VPS13C: variants seen among roughly 807,000 people sequenced by gnomAD.
VPS13C encodes vacuolar protein sorting 13 homolog C, also known as intermembrane lipid transfer protein VPS13C.
VPS13C carries 358 observed loss-of-function variants against 456.8 expected under a neutral mutation model. The observed-to-expected ratio is 0.78, with a 90% CI of 0.72 to 0.86. VPS13C has a LOEUF of 0.86. VPS13C is among the 40% of genes least tolerant of loss of function. The pLI is 0.00. For synonymous variants in VPS13C, 1,578 were observed against 1,486.7 expected (o/e 1.06, Z -1.41); for missense variants, 4,818 against 4,385.4 (o/e 1.10, Z -2.79).
intron 20 of VPS13C, 140 bp downstream of exon 20, chr15:61,983,680 C>A: frequency 1.0e-6 from 1 of 960,134 alleles, no homozygotes; most frequent in South Asian, 1.7e-5. Context: ...ACATATACTG[C>A]TTTTGAAACA....
chr15:61,896,567 G>A (rs1351626338), intron 66 of VPS13C, among the ~76,000 whole-genome samples: 7 of 152,230 alleles, frequency 4.6e-5, no homozygotes, highest in Non-Finnish European at 1.0e-4. Context: ...GGCGCACCAC[G>A]AGATTATATC....
In VPS13C at chr15:61,961,854, TCAGAGA is replaced by T; in HGVS notation, c.3637_3642del (p.Leu1214_Ser1215del). 1 of 1,613,826 alleles carries T rather than the reference TCAGAGA, an allele frequency of 6.2e-7. No individual in the cohort carries two copies. The highest frequency in any genetic ancestry group is 1.7e-5 in the Admixed American group (1 of 60,002). Reference sequence around the variant, plus strand: ...TCTGCAGCCTGGGCAGTGGCAGCACTCAGAGACTCTTTGGCTGTCTGGAAATTATTC... The same window carrying T: ...TCTGCAGCCTGGGCAGTGGCAGCACTCTCTTTGGCTGTCTGGAAATTATTC... On this transcript the variant is annotated inframe_deletion, in exon 35 of 85. Coordinates refer to ENST00000644861, the MANE Select transcript of VPS13C (RefSeq NM_020821.3).
rs1895633447 is a variant in VPS13C, at chr15:61,878,654, C to T, written c.10095G>A (p.Leu3365=). ...CAGTCAGAGTAGCACCTATGCTTTT[C>T]AACAGCAAGTTGACAGAATGAACTG... ...MFAVHSVNLL[L]KSIGATLTDV... Residue 3365 remains leucine (L), a synonymous_variant, in exon 74 of 85, where the codon TTG becomes TTA. Transcript: ENST00000644861. The T allele has an allele frequency of 1.9e-6, 3 of 1,611,602 alleles. No individual in the cohort carries two copies. The highest frequency in any genetic ancestry group is 1.7e-4 in the Middle Eastern group (1 of 6,048).
At chr15:61,863,414 G>C in intron 82 of VPS13C, 26 bp downstream of exon 82, 3 of 1,568,576 alleles carry the variant, frequency 1.9e-6, no homozygotes, top group Non-Finnish European at 2.6e-6. Context: ...AGTACTATTT[G>C]GAAAAATGTC....
At chr15:61,985,087 TA>T in intron 18 of VPS13C, 88 bp from the exon 19 acceptor site, 1 of 1,079,820 alleles carries the variant, frequency 9.3e-7, no homozygotes, top group East Asian at 3.1e-5. Flanking sequence ...TGCTGAATTA[TA>T]AAGCAACCTA....
chr15:61,988,679 G>A (rs2140412386), intron 18 of VPS13C, among the ~76,000 whole-genome samples: 1 of 152,162 alleles, frequency 6.6e-6, no homozygotes, highest in Non-Finnish European at 1.5e-5. Context: ...TCTACAACAA[G>A]GTCAAAGGAC....
Position 61,878,622 on chromosome 15 carries a change from T to C in VPS13C, c.10127A>G (p.Asp3376Gly). Residue 3376 changes from aspartate to glycine, a missense_variant, in exon 74 of 85, where the codon GAT becomes GGT. This residue lies in a region of VPS13C where 4,552 missense variants were observed against 4,130.6 expected (regional missense o/e 1.10). Transcript: ENST00000644861. ...GAAGTCTTACTTGAATATAAGGTCA[T>C]CCACATCAGTCAGAGTAGCACCTAT... is the stretch of plus-strand genomic sequence containing the variant. ...KSIGATLTDV[D>G]DLIFKLAYYE... 1 of 1,609,324 alleles carries C rather than the reference T, an allele frequency of 6.2e-7. No individual in the cohort carries two copies. Among genetic ancestry groups the C allele is most frequent in the Non-Finnish European group, 8.5e-7 (1 of 1,178,148 alleles).
intron 48 of VPS13C, among the ~76,000 whole-genome samples, chr15:61,934,917 AT>A (rs1180780006): frequency 6.6e-6 from 1 of 151,606 alleles, no homozygotes; most frequent in Non-Finnish European, 1.5e-5. Context: ...CTCCCGGCTA[AT>A]TTTTTTGTAT....
Position 62,060,377 on chromosome 15 carries a change from T to C in VPS13C, c.-3A>G, listed in dbSNP as rs1476951037. 4 of 1,555,432 alleles carry C rather than the reference T, an allele frequency of 2.6e-6. No individual in the cohort carries two copies. The highest frequency in any genetic ancestry group is 2.6e-6 in the Non-Finnish European group (3 of 1,142,366). ...GCGACCACCGACTCCAGCACCATGG[T>C]GGCGCTGAGGCACAAGGAGAGGGAG... On this transcript the variant is annotated 5_prime_UTR_variant, in exon 1 of 85. Coordinates refer to ENST00000644861, the MANE Select transcript of VPS13C (RefSeq NM_020821.3).
chr15:61,900,907 CAGAGATAA>C lies in VPS13C; in HGVS notation c.9105+6349_9105+6356del, dbSNP rs1245618417. Among the ~76,000 whole-genome samples, 6 of 151,562 alleles carry C rather than the reference CAGAGATAA, an allele frequency of 4.0e-5. No homozygotes were observed. In the East Asian group the frequency reaches 1.2e-3, roughly 29 times the overall value. On this transcript the variant is annotated intron_variant, in intron 66 of 84. Transcript: ENST00000644861. ...AAACAGCATGGTACTGGTACCAAAA[CAGAGATAA>C]AGATCAATGGAACAGAACGGAGCCC...
intron 6 of VPS13C, among the ~76,000 whole-genome samples, chr15:62,025,262 C>G (rs2047598508): frequency 6.6e-6 from 1 of 151,898 alleles, no homozygotes. Flanking sequence ...ATTGTTCTGC[C>G]ACTACAAAAA....
chr15:62,013,200 A>G, intron 10 of VPS13C, 81 bp from the exon 11 acceptor site: 1 of 1,020,594 alleles, frequency 9.8e-7, no homozygotes, highest in Non-Finnish European at 1.4e-6. Context: ...TCTCATGTTC[A>G]CCACTCCAAA....
At chr15:62,043,730 G>A (rs926928034) in intron 2 of VPS13C, among the ~76,000 whole-genome samples, 1 of 152,170 alleles carries the variant, frequency 6.6e-6, no homozygotes, top group Non-Finnish European at 1.5e-5. Context: ...CCTAATTGGG[G>A]GATGGAGGGC....
At chr15:61,975,678 G>A (rs543802703) in intron 24 of VPS13C, among the ~76,000 whole-genome samples, 8 of 152,068 alleles carry the variant, frequency 5.3e-5, no homozygotes, top group African/African-American at 1.7e-4. Context: ...CGACTTTACT[G>A]GTGAATTCTA....
chr15:61,926,045 A>C (rs894812703), intron 52 of VPS13C, among the ~76,000 whole-genome samples: 4 of 152,196 alleles, frequency 2.6e-5, no homozygotes, highest in Non-Finnish European at 5.9e-5. Context: ...AGAAACGAAT[A>C]AATAGGCTTG....
chr15:61,963,922 T>C lies in VPS13C; in HGVS notation c.3244A>G (p.Ile1082Val). Residue 1082 changes from isoleucine (I) to valine (V), a missense_variant, in exon 32 of 85, where the codon ATT (isoleucine) becomes GTT (valine). By Grantham distance (29) the Ile-to-Val change is conservative. Coordinates refer to ENST00000644861, the MANE Select transcript of VPS13C (RefSeq NM_020821.3). ...AACTTGGCAAATAGCCTGAAATCAA[T>C]AATGTCACTATCTCTGGAGGATACA... ...AIVSSRDSDI[I>V]DFRLFAKLNA... is the part of the protein sequence containing the mutation. The C allele has an allele frequency of 6.2e-7, 1 of 1,610,728 alleles. No homozygotes were observed. The highest frequency in any genetic ancestry group is 8.5e-7 in the Non-Finnish European group (1 of 1,177,484).
At chr15:61,896,491 G>A (rs2042818253) in intron 66 of VPS13C, among the ~76,000 whole-genome samples, 1 of 152,178 alleles carries the variant, frequency 6.6e-6, no homozygotes, top group Non-Finnish European at 1.5e-5. Context: ...AGGGGTGACG[G>A]ACGGGACCTG....
chr15:62,036,995 CA>C (rs200205122), intron 3 of VPS13C, among the ~76,000 whole-genome samples: 32 of 138,224 alleles, frequency 2.3e-4, no homozygotes, highest in Admixed American at 2.2e-4. Flanking sequence ...CTCTGTAAAC[CA>C]AAAAAAAAAG....
At chr15:61,910,771 C>T (rs1295912132) in intron 63 of VPS13C, among the ~76,000 whole-genome samples, 1 of 152,070 alleles carries the variant, frequency 6.6e-6, no homozygotes, top group African/African-American at 2.4e-5. Context: ...ACACCATCCT[C>T]CTAGTTGTTT....
Sources: allele counts gnomAD v4.1 joint callset (sites outside exome capture counted in the v4.1 genomes callset), GRCh38; gene constraint gnomAD v4.1.1; regional missense constraint gnomAD v4.1.1; transcripts MANE v1.5; gene names NCBI Gene and HGNC (gene_info 2026-07-23, HGNC 2026-07-21).